ATP2B3: variants seen among roughly 807,000 people sequenced by gnomAD.
ATP2B3 encodes plasma membrane calcium-transporting ATPase 3.
A neutral mutation model predicts 70.8 loss-of-function variants in ATP2B3; 12 were observed. That is an observed-to-expected ratio of 0.17 (90% CI 0.11 to 0.27). The LOEUF (loss-of-function observed/expected upper bound fraction) is 0.27. Among genes scored for constraint, ATP2B3 ranks in the 10% least tolerant of loss-of-function variants. The pLI is 1.00. For missense variants in ATP2B3, 858 were observed against 1,118.5 expected (o/e 0.77, Z 3.32); for synonymous variants, 460 against 497.8 (o/e 0.92, Z 1.01).
rs1160630327 is a variant in ATP2B3, at chrX:153,580,964, C to T, written c.*666C>T. On this transcript the variant is annotated 3_prime_UTR_variant, in exon 22 of 22. Transcript: ENST00000263519. ...ATGTGTGTGGATCTGTACACACACA[C>T]GTATATATGGCCAGATGCGTATTTC... 9.0e-6 allele frequency: 1 copy of T among 111,671 alleles called. No homozygotes were observed. The highest frequency in any genetic ancestry group is 3.3e-5 in the African/African-American group (1 of 30,530). 9.2% of individuals were successfully genotyped at this position (111,671 alleles called of 1,213,427 possible). A position where few individuals can be genotyped will look rare whatever the true frequency, so the allele number is the denominator to read the frequency against.
At position 153,557,882 on chromosome X, in the gene ATP2B3, G is replaced by GC. The variant is rs368811197; in HGVS notation, c.2434-219dup. Among the ~76,000 whole-genome samples, 477 of 87,422 alleles carry GC rather than the reference G, an allele frequency of 5.5e-3. 6 individuals carry two copies. The highest frequency in any genetic ancestry group is 0.013 in the African/African-American group (306 of 23,781). 75.9% of individuals were successfully genotyped at this position (87,422 alleles called of 115,157 possible). ...AGCACCCTCTGTGTTTATGAGCAAA[G>GC]CCCCCCCCCCCACCGTGACATGTGA... is the stretch of plus-strand genomic sequence containing the variant. On this transcript the variant is annotated intron_variant, in intron 16 of 21. Coordinates refer to ENST00000263519, the MANE Select transcript of ATP2B3 (RefSeq NM_001001344.3).
chrX:153,554,662 G>C (rs782654413), intron 13 of ATP2B3, among the ~76,000 whole-genome samples: 5 of 112,917 alleles, frequency 4.4e-5, no homozygotes, highest in Admixed American at 1.9e-4. Flanking sequence ...TTGGAGATGC[G>C]GCACGGCTGC....
In ATP2B3 at chrX:153,550,177, A is replaced by C; in HGVS notation, c.1714A>C (p.Lys572Gln). 2 of 1,212,434 alleles carry C rather than the reference A, an allele frequency of 1.6e-6. No individual in the cohort carries two copies. The highest frequency in any genetic ancestry group is 3.5e-5 in the South Asian group (2 of 57,056). The change falls in exon 12 of 22, where the codon AAA becomes CAA. Residue 572 changes from lysine (K) to glutamine (Q), a missense_variant. Physicochemically the swap from Lys to Gln is moderately conservative, Grantham distance 53. Around this residue, in one of 5 missense-constraint regions of ATP2B3, gnomAD observed 242 missense variants for 281.3 expected, o/e 0.86. Transcript: ENST00000263519. ...GCAGATCCCGGAAGACAAGCTTTAC[A>C]AAGTGTACACCTTCAACTCGGTCCG... ...REQIPEDKLY[K>Q]VYTFNSVRKS...
intron 18 of ATP2B3, 21 bp downstream of exon 18, chrX:153,559,963 C>T (rs782482369): frequency 7.5e-6 from 9 of 1,198,765 alleles, no homozygotes; most frequent in East Asian, 3.0e-5. Context: ...CAGGGGCACC[C>T]GGGAGGACTT....
At chrX:153,551,485 G>A (rs1365480465) in intron 12 of ATP2B3, among the ~76,000 whole-genome samples, 3 of 111,822 alleles carry the variant, frequency 2.7e-5, no homozygotes, top group African/African-American at 6.5e-5. Flanking sequence ...TCAGCTATGC[G>A]ATTTCTACAC....
chrX:153,568,678 C>T (rs1363292419), intron 21 of ATP2B3, among the ~76,000 whole-genome samples: 1 of 112,040 alleles, frequency 8.9e-6, no homozygotes, highest in African/African-American at 3.2e-5. Context: ...GTCCTTTCCA[C>T]AGCGCGTCAA....
At position 153,560,894 on chromosome X, in the gene ATP2B3, G is replaced by A; in HGVS notation, c.3051+7G>A. The A allele has an allele frequency of 8.3e-7, 1 of 1,211,320 alleles. No individual in the cohort carries two copies. Among genetic ancestry groups the A allele is most frequent in the Non-Finnish European group, 1.1e-6 (1 of 895,086 alleles). On this transcript the variant is annotated splice_region_variant and intron_variant, in intron 19 of 21. Transcript: ENST00000263519. The stretch of plus-strand genomic sequence containing the variant: ...GGGCACTTTCGGGATTCAGGTAGGA[G>A]GGGCGGCTCCACTCTTGGCCTCTGC...
Position 153,541,771 on chromosome X carries a change from T to C in ATP2B3, c.509T>C (p.Val170Ala). The C allele has an allele frequency of 8.3e-7, 1 of 1,211,586 alleles. No individual in the cohort carries two copies. Among genetic ancestry groups the C allele is most frequent in the Non-Finnish European group, 1.1e-6 (1 of 895,524 alleles). Residue 170 changes from valine (V) to alanine (A), a missense_variant, in exon 5 of 22, where the codon GTC becomes GCC. Coordinates refer to ENST00000263519, the MANE Select transcript of ATP2B3 (RefSeq NM_001001344.3). ...CTGTCCGTCATCTGTGTGGTGCTGG[T>C]CACGGCCTTCAATGACTGGAGCAAG... is the stretch of plus-strand genomic sequence containing the variant. ...ILLSVICVVL[V>A]TAFNDWSKEK...
intron 21 of ATP2B3, among the ~76,000 whole-genome samples, chrX:153,573,103 G>A (rs1315537374): frequency 8.9e-6 from 1 of 112,742 alleles, no homozygotes; most frequent in Non-Finnish European, 1.9e-5. Context: ...AAGGAGCAGG[G>A]GTTAGGCAGC....
chrX:153,562,660 G>A lies in ATP2B3; in HGVS notation c.3159+418G>A, dbSNP rs987358801. Among the ~76,000 whole-genome samples, 7 of 112,173 alleles carry A rather than the reference G, an allele frequency of 6.2e-5. No homozygotes were observed. In the East Asian group the frequency reaches 1.7e-3, roughly 27 times the overall value. On this transcript the variant is annotated intron_variant, in intron 20 of 21. Transcript: ENST00000263519. ...TGGAAAGGACAGAGAGTCCCACATCGAGCTCTGTGGGCTGCAGCTGAAGCC... is the reference window on the plus strand; with the variant it reads ...TGGAAAGGACAGAGAGTCCCACATCAAGCTCTGTGGGCTGCAGCTGAAGCC...
Position 153,580,277 on chromosome X carries a change from C to A in ATP2B3, c.3642C>A (p.His1214Gln). Residue 1214 changes from histidine (H) to glutamine (Q), a missense_variant, in exon 22 of 22, where the codon CAC becomes CAA. Transcript: ENST00000263519. ...VFSSSPGSPL[H>Q]SVETSL ...CCTCCAGTCCCGGGAGCCCGCTCCA[C>A]AGCGTGGAGACGTCCCTCTAACAAG... 8.3e-7 allele frequency: 1 copy of A among 1,209,386 alleles called. No individual in the cohort carries two copies.
chrX:153,542,540 C>G, intron 6 of ATP2B3, 92 bp downstream of exon 6: 1 of 1,078,292 alleles, frequency 9.3e-7, no homozygotes, highest in Non-Finnish European at 1.2e-6. Flanking sequence ...TGGGCTCAGC[C>G]TCCACCTCCA....
chrX:153,545,585 C>T (rs782281461), intron 7 of ATP2B3, among the ~76,000 whole-genome samples: 12 of 112,626 alleles, frequency 1.1e-4, no homozygotes, highest in African/African-American at 2.6e-4. Flanking sequence ...GCAGGAGGAT[C>T]GCTTAAACCT....
At chrX:153,532,344 C>G (rs1196325363) in intron 2 of ATP2B3, among the ~76,000 whole-genome samples, 1 of 112,674 alleles carries the variant, frequency 8.9e-6, no homozygotes, top group African/African-American at 3.2e-5. Flanking sequence ...GGGGACTAAG[C>G]TGGAGGTGCC....
chrX:153,545,363 C>T (rs782503951), intron 7 of ATP2B3, among the ~76,000 whole-genome samples: 128 of 113,117 alleles, frequency 1.1e-3, no homozygotes, highest in African/African-American at 3.5e-3. Flanking sequence ...CGTCTCATTC[C>T]TTTGTCCCTT....
Position 153,541,933 on chromosome X carries a change from G to A in ATP2B3, c.664+7G>A. 1 of 1,199,460 alleles carries A rather than the reference G, an allele frequency of 8.3e-7. No homozygotes were observed. The highest frequency in any genetic ancestry group is 1.1e-6 in the Non-Finnish European group (1 of 887,419). On this transcript the variant is annotated splice_region_variant and intron_variant, in intron 5 of 21. Coordinates refer to ENST00000263519, the MANE Select transcript of ATP2B3 (RefSeq NM_001001344.3). ...ATTGCCCAGGTCAAGTACGGTGAGT[G>A]CCCTGGTCTTCACCCACCCTGTCAA...
chrX:153,519,013 A>G (rs1177593536), intron 2 of ATP2B3, among the ~76,000 whole-genome samples: 1 of 110,369 alleles, frequency 9.1e-6, no homozygotes, highest in African/African-American at 3.3e-5. Flanking sequence ...TCTGGCAGGC[A>G]CCCCCTGCAC....
At position 153,560,634 on chromosome X, in the gene ATP2B3, C is replaced by T. The variant is rs377506569; in HGVS notation, c.2840-42C>T. 3.1e-5 allele frequency: 37 copies of T among 1,186,177 alleles called. No homozygotes were observed. The African/African-American group carries it at 4.2e-4, about 14-fold the overall frequency. On this transcript the variant is annotated intron_variant, in intron 18 of 21. Transcript: ENST00000263519. ...TCTCGCTCCTGAGTAATGCGTCATG[C>T]GCTGAGATGACTGTGCCTGAGTGGG...
At chrX:153,548,335 G>C (rs921486458) in intron 9 of ATP2B3, among the ~76,000 whole-genome samples, 3 of 110,728 alleles carry the variant, frequency 2.7e-5, no homozygotes, top group African/African-American at 6.6e-5. Flanking sequence ...CCAACTTCTG[G>C]GGTGCAGTGG....
Sources: allele counts gnomAD v4.1 joint callset (sites outside exome capture counted in the v4.1 genomes callset), GRCh38; gene constraint gnomAD v4.1.1; regional missense constraint gnomAD v4.1.1; transcripts MANE v1.5; gene names NCBI Gene and HGNC (gene_info 2026-07-23, HGNC 2026-07-21).